STPG1: variants seen among roughly 807,000 people sequenced by gnomAD.
STPG1 encodes the protein sperm tail PG-rich repeat containing 1, also known as O(6)-methylguanine-induced apoptosis 2.
In STPG1, 33 loss-of-function variants were observed where a neutral mutation model predicts 40.1. That is an observed-to-expected ratio of 0.82 (90% confidence interval 0.62 to 1.10). The LOEUF is 1.10. Ranked by LOEUF, STPG1 falls within the 50% of genes least tolerant of loss-of-function variation. The probability of loss-of-function intolerance (pLI) is 0.00; values close to 1 mark genes in which losing one functional copy is unlikely to be tolerated. For synonymous variants in STPG1, 150 were observed against 155.0 expected (o/e 0.97, Z 0.24); for missense variants, 396 against 415.1 (o/e 0.95, Z 0.40).
chr1:24,396,490 T>C (rs992251294), intron 2 of STPG1, among the ~76,000 whole-genome samples: 12 of 152,188 alleles, frequency 7.9e-5, no homozygotes, highest in Admixed American at 2.0e-4. Flanking sequence ...GTAAATATTT[T>C]AGTCTTTGCA....
intron 2 of STPG1, chr1:24,391,888 G>T (rs1388798634): frequency 7.7e-7 from 1 of 1,300,766 alleles, no homozygotes; most frequent in African/African-American, 1.5e-5. Context: ...CCCCCCTCCA[G>T]CTCTTAAATT....
At chr1:24,392,090 G>A (rs764286097) in intron 2 of STPG1, 12 of 992,176 alleles carry the variant, frequency 1.2e-5, no homozygotes, top group Non-Finnish European at 1.4e-5. Flanking sequence ...ACCAGCATTA[G>A]GCCGTTAAAA....
intron 3 of STPG1, among the ~76,000 whole-genome samples, chr1:24,388,832 G>C (rs1481695156): frequency 1.3e-5 from 2 of 152,120 alleles, no homozygotes; most frequent in Non-Finnish European, 2.9e-5. Context: ...ATAGGAATTT[G>C]TTTTTCTGTT....
chr1:24,373,834 T>C (rs755013798), intron 5 of STPG1, 24 bp from the exon 6 acceptor site: 43 of 1,495,184 alleles, frequency 2.9e-5, no homozygotes, highest in South Asian at 4.5e-5. Flanking sequence ...ATACACCCAA[T>C]GTACTCAGTA....
At chr1:24,396,284 TATCTATCTATCTATC>T (rs1642999886) in intron 2 of STPG1, among the ~76,000 whole-genome samples, 1 of 99,800 alleles carries the variant, frequency 1.0e-5, no homozygotes, top group South Asian at 3.2e-4. Flanking sequence ...TCTATCTATC[TATCTATCTATCTATC>T]ATCTATCTAT....
At chr1:24,363,002 T>C (rs983589269) in intron 7 of STPG1, among the ~76,000 whole-genome samples, 10 of 152,196 alleles carry the variant, frequency 6.6e-5, no homozygotes, top group Admixed American at 3.9e-4. Flanking sequence ...CTCCAGACAT[T>C]TGATGAGTTT....
At position 24,374,459 on chromosome 1, in the gene STPG1, C is replaced by A. The variant is rs535732322; in HGVS notation, c.463-649G>T. On this transcript the variant is annotated intron_variant, in intron 5 of 8. Coordinates refer to ENST00000337248, the MANE Select transcript of STPG1 (RefSeq NM_001199013.2). ...TATTTTTAGTAGAGACAGGGTTTCA[C>A]CATGTTAACCAGGATGGCCTCGATC... Among the ~76,000 whole-genome samples the A allele has an allele frequency of 6.1e-4, 93 of 152,042 alleles. 1 individual carries two copies. The Middle Eastern group carries it at 0.01, about 17-fold the overall frequency.
At position 24,399,431 on chromosome 1, in the gene STPG1, A is replaced by G. The variant is rs1392336668; in HGVS notation, c.70+1888T>C. On this transcript the variant is annotated intron_variant, in intron 2 of 8. Coordinates refer to ENST00000337248, the MANE Select transcript of STPG1 (RefSeq NM_001199013.2). The surrounding 1 kb of genome is among the most constrained non-coding windows in gnomAD (Gnocchi z 4.0). ...TCAAGTGAATTGTAGATCTAGATGT[A>G]AAAGGTAAAATAATAGAGTTTCTAG... 6.6e-6 allele frequency among the ~76,000 whole-genome samples: 1 copy of G among 152,156 alleles called. No homozygotes were observed. The highest frequency in any genetic ancestry group is 1.5e-5 in the Non-Finnish European group (1 of 67,994).
intron 5 of STPG1, chr1:24,379,343 C>T: frequency 3.7e-6 from 1 of 270,896 alleles, no homozygotes; most frequent in East Asian, 7.9e-5. Context: ...AATAATACAC[C>T]CATTGTTACA....
In STPG1 at chr1:24,399,618, A is replaced by T. The variant is rs954724470; in HGVS notation, c.70+1701T>A. ...GAAAAGGAAAGTCCCAGGATAAGGGATGACATTTACCTACAGCTAACAAAT... is the reference window on the plus strand; with the variant it reads ...GAAAAGGAAAGTCCCAGGATAAGGGTTGACATTTACCTACAGCTAACAAAT... On this transcript the variant is annotated intron_variant, in intron 2 of 8. Transcript: ENST00000337248. The surrounding 1 kb of genome is among the most constrained non-coding windows in gnomAD (Gnocchi z 4.0). 1.3e-5 allele frequency among the ~76,000 whole-genome samples: 2 copies of T among 152,194 alleles called. No individual in the cohort carries two copies. The highest frequency in any genetic ancestry group is 2.4e-5 in the African/African-American group (1 of 41,458).
At chr1:24,369,415 G>T in intron 7 of STPG1, 1 of 609,488 alleles carries the variant, frequency 1.6e-6, no homozygotes, top group Non-Finnish European at 3.1e-6. Flanking sequence ...CCTCTATGGG[G>T]TAAGAGTAAC....
At position 24,364,216 on chromosome 1, in the gene STPG1, C is replaced by T. The variant is rs893330497; in HGVS notation, c.738-3175G>A. On this transcript the variant is annotated intron_variant, in intron 7 of 8. Coordinates refer to ENST00000337248, the MANE Select transcript of STPG1 (RefSeq NM_001199013.2). ...TTCTCTCCTCCACCCACGCCTGTCTCGCCACCCCCCACCTGACTGTCTTGA... is the reference window on the plus strand; with the variant it reads ...TTCTCTCCTCCACCCACGCCTGTCTTGCCACCCCCCACCTGACTGTCTTGA... 2.4e-5 allele frequency: 37 copies of T among 1,541,826 alleles called. No individual in the cohort carries two copies. Among genetic ancestry groups the T allele is most frequent in the Admixed American group, 4.0e-5 (2 of 49,604 alleles).
Position 24,369,746 on chromosome 1 carries a change from G to A in STPG1, c.665C>T (p.Thr222Met), listed in dbSNP as rs199896028. The A allele has an allele frequency of 2.0e-5, 33 of 1,613,154 alleles. No individual in the cohort carries two copies. Among genetic ancestry groups the A allele is most frequent in the African/African-American group, 2.7e-5 (2 of 74,870 alleles). ...ATAACCAGGTCCCGGGCCTGTTGAC[G>A]TCAGTTTTAATCCACGGTTGGTTTT... ...KSKTNRGLKL[T>M]STGPGPGYYN... The change falls in exon 7 of 9, where the codon ACG becomes ATG. Residue 222 changes from threonine to methionine, a missense_variant. Transcript: ENST00000337248.
At chr1:24,364,333 A>G in intron 7 of STPG1, 1 of 1,549,216 alleles carries the variant, frequency 6.5e-7, no homozygotes, top group Non-Finnish European at 8.7e-7. Context: ...CAGCCCCACC[A>G]CCGTCAACAG....
rs545659377 is a variant in STPG1, at chr1:24,412,509, T to C, written c.-69+1165A>G. Among the ~76,000 whole-genome samples, 3 of 152,284 alleles carry C rather than the reference T, an allele frequency of 2.0e-5. No individual in the cohort carries two copies. The South Asian group carries it at 6.2e-4, about 32-fold the overall frequency. On this transcript the variant is annotated intron_variant, in intron 1 of 8. Transcript: ENST00000337248. Reference sequence around the variant, plus strand: ...TGTTTATTACTTTATTTGTTTATGATCTTCCCCAGTAGAAAGTTCAACTCT... The same window carrying C: ...TGTTTATTACTTTATTTGTTTATGACCTTCCCCAGTAGAAAGTTCAACTCT...
At chr1:24,406,938 T>G in intron 1 of STPG1, among the ~76,000 whole-genome samples, 1 of 152,202 alleles carries the variant, frequency 6.6e-6, no homozygotes, top group East Asian at 1.9e-4. Flanking sequence ...ATTCATAATG[T>G]TGTGCAACCC....
chr1:24,379,115 G>A (rs917520749), intron 5 of STPG1, among the ~76,000 whole-genome samples: 1 of 152,170 alleles, frequency 6.6e-6, no homozygotes, highest in African/African-American at 2.4e-5. Flanking sequence ...ACTTGCCGAA[G>A]GCCGCACAGT....
Position 24,373,719 on chromosome 1 carries a change from T to C in STPG1, c.554A>G (p.Asp185Gly). The C allele has an allele frequency of 1.9e-6, 3 of 1,611,164 alleles. No homozygotes were observed. The highest frequency in any genetic ancestry group is 2.5e-6 in the Non-Finnish European group (3 of 1,177,450). ...CTGCTTACCTGGGGGAGGTCCTTTA[T>C]CAGCAAAAGCGAAAGATCCTCTTTG... ...KTQRGSFAFA[D>G]KGPPPGHYDI... The change falls in exon 6 of 9, where the codon GAT (aspartate) becomes GGT (glycine). Residue 185 changes from aspartate to glycine, a missense_variant. Physicochemically the swap from Asp to Gly is moderately conservative, Grantham distance 94. Transcript: ENST00000337248.
intron 5 of STPG1, 146 bp from the exon 6 acceptor site, chr1:24,373,956 C>T (rs79521248): frequency 0.012 from 7,306 of 611,156 alleles, 77 homozygotes; most frequent in Non-Finnish European, 0.018. Context: ...GAGCTGTAAA[C>T]GTCACACTGG....
Sources: gnomAD v4.1 joint callset for allele counts (sites outside exome capture counted in the v4.1 genomes callset) on GRCh38, gnomAD v4.1.1 for gene constraint, Gnocchi (gnomAD v3.1) non-coding constraint, MANE v1.5 for transcripts, NCBI Gene and HGNC (gene_info 2026-07-23, HGNC 2026-07-21) for gene names.